The following NEK7 variants were observed in gnomAD, a reference collection of about 807,000 sequenced individuals.
The protein encoded by NEK7 is serine/threonine-protein kinase Nek7.
In NEK7, 18 loss-of-function variants were observed where a neutral mutation model predicts 44.6. The ratio of observed to expected loss-of-function variants is 0.40; its 90% CI spans 0.28 to 0.60. NEK7 has a LOEUF of 0.60. Among genes scored for constraint, NEK7 ranks in the 20% least tolerant of loss-of-function variants. The pLI is 0.38. For missense variants in NEK7, 256 were observed against 366.5 expected (o/e 0.70, Z 2.46); for synonymous variants, 130 against 121.1 (o/e 1.07, Z -0.48).
chr1:198,217,378 A>G (rs114527523), intron 1 of NEK7, among the ~76,000 whole-genome samples: 11,062 of 151,656 alleles, frequency 0.073, 495 homozygotes, highest in East Asian at 0.18. Context: ...AAAGCATTTG[A>G]TAAAAGCCAG....
rs1487416368 is a variant in NEK7, at chr1:198,319,488, C to T, written c.875C>T (p.Ala292Val). The T allele has an allele frequency of 1.5e-5, 24 of 1,612,548 alleles. No individual in the cohort carries two copies. The highest frequency in any genetic ancestry group is 2.0e-5 in the Non-Finnish European group (23 of 1,179,032). Residue 292 changes from alanine to valine, a missense_variant, in exon 10 of 10, where the codon GCA becomes GTA. This residue lies in a region of NEK7 where 58 missense variants were observed against 66.5 expected (regional missense o/e 0.87). Transcript: ENST00000367385. ...RPDVTYVYDV[A>V]KRMHACTASS is the part of the protein sequence containing the mutation. ...GACGTCACCTATGTTTATGACGTAGCAAAGAGGATGCATGCATGCACTGCA... is the reference window on the plus strand; with the variant it reads ...GACGTCACCTATGTTTATGACGTAGTAAAGAGGATGCATGCATGCACTGCA...
chr1:198,247,883 G>C (rs796279496), intron 2 of NEK7, among the ~76,000 whole-genome samples: 4 of 152,136 alleles, frequency 2.6e-5, no homozygotes, highest in Non-Finnish European at 5.9e-5. Context: ...GCCTTTCTGC[G>C]TAAGTCTAGG....
chr1:198,290,948 A>G (rs1654534182), intron 7 of NEK7, among the ~76,000 whole-genome samples: 1 of 152,200 alleles, frequency 6.6e-6, no homozygotes, highest in Non-Finnish European at 1.5e-5. Context: ...TTTTAAGTTT[A>G]GCTTAGTAGA....
At chr1:198,180,263 A>G (rs2102741697) in intron 1 of NEK7, among the ~76,000 whole-genome samples, 1 of 150,026 alleles carries the variant, frequency 6.7e-6, no homozygotes, top group East Asian at 1.9e-4. Flanking sequence ...CCTTTGCATC[A>G]TAGAGAAAAT....
At chr1:198,166,748 A>T (rs1189461905) in intron 1 of NEK7, among the ~76,000 whole-genome samples, 1 of 152,210 alleles carries the variant, frequency 6.6e-6, no homozygotes, top group Non-Finnish European at 1.5e-5. Context: ...AAGATTGCTG[A>T]TCACAGACCA....
chr1:198,191,999 C>T (rs1665092148), intron 1 of NEK7, among the ~76,000 whole-genome samples: 1 of 152,006 alleles, frequency 6.6e-6, no homozygotes, highest in African/African-American at 2.4e-5. Context: ...TTTCAATAAG[C>T]TTGGATCTCT....
chr1:198,308,423 AAACT>A (rs748338996), intron 9 of NEK7, among the ~76,000 whole-genome samples: 1 of 152,188 alleles, frequency 6.6e-6, no homozygotes, highest in Non-Finnish European at 1.5e-5. Context: ...ATGACTTCAA[AAACT>A]CAAAGTATCC....
chr1:198,301,977 T>G (rs1315092766), intron 9 of NEK7, among the ~76,000 whole-genome samples: 1 of 152,222 alleles, frequency 6.6e-6, no homozygotes, highest in Non-Finnish European at 1.5e-5. Context: ...AACTTGATAG[T>G]TCAGTAAGTC....
intron 9 of NEK7, among the ~76,000 whole-genome samples, chr1:198,314,138 ATTC>A (rs1655278179): frequency 6.6e-6 from 1 of 152,006 alleles, no homozygotes; most frequent in African/African-American, 2.4e-5. Context: ...GTTTCTTTTT[ATTC>A]TTTTTTCTCT....
At chr1:198,159,035 CG>C (rs765434480) in intron 1 of NEK7, among the ~76,000 whole-genome samples, 1 of 151,650 alleles carries the variant, frequency 6.6e-6, no homozygotes, top group Non-Finnish European at 1.5e-5. Flanking sequence ...GGTGTGTGTG[CG>C]GGGGTAGTGT....
intron 2 of NEK7, among the ~76,000 whole-genome samples, chr1:198,249,232 A>C (rs1212576490): frequency 6.6e-6 from 1 of 151,960 alleles, no homozygotes; most frequent in Non-Finnish European, 1.5e-5. Flanking sequence ...ATCATTTTTT[A>C]TGGCTACATA....
chr1:198,159,059 A>AGGAGCCCG (rs972700638), intron 1 of NEK7, among the ~76,000 whole-genome samples: 2 of 152,152 alleles, frequency 1.3e-5, no homozygotes, highest in Admixed American at 1.3e-4. Flanking sequence ...AGGGGGAGGA[A>AGGAGCCCG]GGAGCCCGGG....
At chr1:198,265,178 A>C (rs1215095408) in intron 5 of NEK7, among the ~76,000 whole-genome samples, 1 of 152,042 alleles carries the variant, frequency 6.6e-6, no homozygotes, top group African/African-American at 2.4e-5. Flanking sequence ...GCTGCCTGTC[A>C]CACAACATTT....
intron 1 of NEK7, among the ~76,000 whole-genome samples, chr1:198,209,897 A>G (rs1194373671): frequency 2.6e-5 from 4 of 152,066 alleles, no homozygotes; most frequent in Admixed American, 6.5e-5. Flanking sequence ...ACTTACTGCA[A>G]CTTCTGCCTC....
rs188990099 is a variant in NEK7, at chr1:198,187,418, C to T, written c.-29+30142C>T. 1.6e-3 allele frequency among the ~76,000 whole-genome samples: 250 copies of T among 152,226 alleles called. 1 individual carries two copies. Among genetic ancestry groups the T allele is most frequent in the African/African-American group, 5.6e-3 (233 of 41,538 alleles). On this transcript the variant is annotated intron_variant, in intron 1 of 9. Coordinates refer to ENST00000367385, the MANE Select transcript of NEK7 (RefSeq NM_133494.3). ...GTCAGCATCTCTTCCAAAGCCATTG[C>T]CAAGGGAGAAAGGCTTGTTCCACAT...
At chr1:198,170,296 G>A (rs77412643) in intron 1 of NEK7, among the ~76,000 whole-genome samples, 1,980 of 152,242 alleles carry the variant, frequency 0.013, 36 homozygotes, top group African/African-American at 0.045. Flanking sequence ...GGGGAGGAGT[G>A]TGTGGAGACC....
chr1:198,239,479 A>G (rs530495607), intron 2 of NEK7, among the ~76,000 whole-genome samples: 320 of 152,308 alleles, frequency 2.1e-3, no homozygotes, highest in African/African-American at 7.4e-3. Context: ...TATATTGCCT[A>G]TAAAAGTGGT....
intron 2 of NEK7, among the ~76,000 whole-genome samples, chr1:198,242,268 T>C (rs1666704800): frequency 6.6e-6 from 1 of 152,132 alleles, no homozygotes; most frequent in Non-Finnish European, 1.5e-5. Context: ...GCATCATGAG[T>C]TATTTTTGTA....
At chr1:198,159,262 G>A (rs977349221) in intron 1 of NEK7, among the ~76,000 whole-genome samples, 1 of 152,132 alleles carries the variant, frequency 6.6e-6, no homozygotes, top group African/African-American at 2.4e-5. Flanking sequence ...GATGTCTGCG[G>A]AAGGGGCGCC....
Sources: gnomAD v4.1 joint callset for allele counts (sites outside exome capture counted in the v4.1 genomes callset) on GRCh38, gnomAD v4.1.1 for gene constraint, gnomAD v4.1.1 regional missense constraint, MANE v1.5 for transcripts, NCBI Gene and HGNC (gene_info 2026-07-23, HGNC 2026-07-21) for gene names.